The following MAP9 variants were observed in gnomAD, a reference collection of about 807,000 sequenced individuals.
MAP9 encodes microtubule associated protein 9, also known as microtubule-associated protein 9.
MAP9 carries 80 observed loss-of-function variants against 75.2 expected under a neutral mutation model. That is an observed-to-expected ratio of 1.06 (90% CI 0.89 to 1.28). MAP9 has a LOEUF of 1.28. MAP9 is among the 50% of genes most tolerant of loss of function. The pLI is 0.00. For synonymous variants in MAP9, 235 were observed against 237.3 expected (o/e 0.99, Z 0.09); for missense variants, 753 against 719.9 (o/e 1.05, Z -0.53).
At position 155,347,293 on chromosome 4, in the gene MAP9, C is replaced by A. The variant is rs1286984461; in HGVS notation, c.*490G>T. ...GATGAAAATTCTAACTAGCACAGTA[C>A]AAATGCAACTGCTTTGAGCTAAACA... On this transcript the variant is annotated 3_prime_UTR_variant, in exon 14 of 14. Transcript: ENST00000311277. 6.6e-6 allele frequency: 1 copy of A among 152,322 alleles called. No homozygotes were observed. Among genetic ancestry groups the A allele is most frequent in the Non-Finnish European group, 1.5e-5 (1 of 68,166 alleles). 9.4% of individuals were successfully genotyped at this position (152,322 alleles called of 1,614,324 possible). A position where few individuals can be genotyped will look rare whatever the true frequency, so the allele number is the denominator to read the frequency against.
intron 8 of MAP9, among the ~76,000 whole-genome samples, chr4:155,356,610 A>G (rs904525200): frequency 3.3e-5 from 5 of 152,214 alleles, no homozygotes; most frequent in Admixed American, 2.0e-4. Context: ...TAGAAAGAAT[A>G]GTACTATCTA....
chr4:155,347,852 G>A lies in MAP9; in HGVS notation c.1875C>T (p.Ser625=), dbSNP rs1443606800. 6 of 1,599,072 alleles carry A rather than the reference G, an allele frequency of 3.8e-6. No homozygotes were observed. In the Admixed American group the frequency reaches 1.0e-4, roughly 27 times the overall value. Residue 625 remains serine (S), a synonymous_variant, in exon 14 of 14, where the codon TCC becomes TCT. Coordinates refer to ENST00000311277, the MANE Select transcript of MAP9 (RefSeq NM_001039580.2). ...GAGGAAGTGCCTCACTTTCAAGAAA[G>A]GAATGACGTTTCTTCTGTTTTCGTT... ...RIERKQKKRH[S]FLESEALPPW...
chr4:155,369,347 AAAC>A (rs1385338127), intron 4 of MAP9, among the ~76,000 whole-genome samples: 8 of 147,380 alleles, frequency 5.4e-5, no homozygotes, highest in African/African-American at 9.9e-5. Context: ...AAAAAAAACC[AAAC>A]AACAACAACA....
intron 7 of MAP9, among the ~76,000 whole-genome samples, chr4:155,358,482 C>A (rs1731906975): frequency 6.6e-6 from 1 of 152,064 alleles, no homozygotes; most frequent in African/African-American, 2.4e-5. Flanking sequence ...AAAAGTATTG[C>A]TCAAACACAA....
chr4:155,355,518 AC>A lies in MAP9; in HGVS notation c.1290+197del, dbSNP rs371642657. ...ATGGCATATTCTTTCTTTAAAAACA[AC>A]TATGGTCAGTTATGCAAAGTGTGGA... On this transcript the variant is annotated intron_variant, in intron 9 of 13. Transcript: ENST00000311277. 3.3e-4 allele frequency among the ~76,000 whole-genome samples: 50 copies of A among 152,310 alleles called. 1 individual carries two copies. The East Asian group carries it at 3.9e-3, about 12-fold the overall frequency.
chr4:155,366,281 C>T (rs926372034), intron 5 of MAP9, among the ~76,000 whole-genome samples: 1 of 151,656 alleles, frequency 6.6e-6, no homozygotes, highest in African/African-American at 2.4e-5. Flanking sequence ...ATGGAGTGAA[C>T]CTGGGAGGCA....
At chr4:155,357,260 A>T (rs1731834245) in intron 8 of MAP9, 189 bp downstream of exon 8, 1 of 557,664 alleles carries the variant, frequency 1.8e-6, no homozygotes, top group South Asian at 2.1e-5. Context: ...CTTTTTATAA[A>T]TTACTTTATT....
intron 4 of MAP9, among the ~76,000 whole-genome samples, chr4:155,372,575 A>G (rs1732649187): frequency 6.6e-6 from 1 of 152,234 alleles, no homozygotes; most frequent in Non-Finnish European, 1.5e-5. Context: ...TTCATAGGCA[A>G]TACAGAGATC....
At chr4:155,376,223 AG>A (rs1695775347) in intron 1 of MAP9, among the ~76,000 whole-genome samples, 1 of 152,214 alleles carries the variant, frequency 6.6e-6, no homozygotes, top group Non-Finnish European at 1.5e-5. Context: ...TCTCTTCTAA[AG>A]TATAACATTG....
In MAP9 at chr4:155,364,643, A is replaced by C. The variant is rs549123349; in HGVS notation, c.709-2502T>G. On this transcript the variant is annotated intron_variant, in intron 5 of 13. Transcript: ENST00000311277. ...CTTTAATTTTTTAAAAGTCTAATAC[A>C]AAAAACTGAAAGGGCTCTTTAAGAA... is the stretch of plus-strand genomic sequence containing the variant. Among the ~76,000 whole-genome samples the C allele has an allele frequency of 6.7e-5, 10 of 150,072 alleles. No homozygotes were observed. The South Asian group carries it at 1.9e-3, about 28-fold the overall frequency.
At position 155,368,605 on chromosome 4, in the gene MAP9, G is replaced by C; in HGVS notation, c.689C>G (p.Ser230Cys). The C allele has an allele frequency of 1.2e-6, 2 of 1,614,024 alleles. No homozygotes were observed. Among genetic ancestry groups the C allele is most frequent in the Non-Finnish European group, 1.7e-6 (2 of 1,179,908 alleles). The change falls in exon 5 of 14, where the codon TCT (serine) becomes TGT (cysteine). Residue 230 changes from serine (S) to cysteine (C), a missense_variant. Coordinates refer to ENST00000311277, the MANE Select transcript of MAP9 (RefSeq NM_001039580.2). Reference protein sequence around the residue: ...IQLEAEKKAFSENLDPEDSCL... With the variant: ...IQLEAEKKAFCENLDPEDSCL... ...GCTAACCTCAGGATCAAGGTTTTCAGAGAATGCTTTTTTCTCAGCTTCTAA... is the reference window on the plus strand; with the variant it reads ...GCTAACCTCAGGATCAAGGTTTTCACAGAATGCTTTTTTCTCAGCTTCTAA...
Position 155,355,875 on chromosome 4 carries a change from G to A in MAP9, c.1131C>T (p.Thr377=), listed in dbSNP as rs185634534. Reference sequence around the variant, plus strand: ...AACTAGATTTCTTCAAAAACTCAGAGGTCATTAATCTGAAAAGATCCAAAT... The same window carrying A: ...AACTAGATTTCTTCAAAAACTCAGAAGTCATTAATCTGAAAAGATCCAAAT... ...RASSASARLM[T]SEFLKKSSSK... Residue 377 remains threonine (T), a synonymous_variant, in exon 9 of 14, where the codon ACC becomes ACT. Transcript: ENST00000311277. 9 of 1,611,046 alleles carry A rather than the reference G, an allele frequency of 5.6e-6. No individual in the cohort carries two copies. In the African/African-American group the frequency reaches 1.1e-4, roughly 19 times the overall value.
intron 7 of MAP9, 122 bp downstream of exon 7, chr4:155,360,046 A>G (rs1731997292): frequency 1.1e-6 from 1 of 883,802 alleles, no homozygotes; most frequent in African/African-American, 1.7e-5. Context: ...ATACAATATC[A>G]CTATCAAAAG....
rs367763023 is a variant in MAP9, at chr4:155,347,937, G to A, written c.1822-32C>T. On this transcript the variant is annotated intron_variant, in intron 13 of 13. Transcript: ENST00000311277. ...AGAAAATAGAACACTATAAATTTAT[G>A]TACATATATGATTATTATTTTCAAA... 7.1e-6 allele frequency: 9 copies of A among 1,267,682 alleles called. No homozygotes were observed. The African/African-American group carries it at 1.1e-4, about 15-fold the overall frequency. 78.5% of individuals were successfully genotyped at this position (1,267,682 alleles called of 1,614,324 possible). A position where few individuals can be genotyped will look rare whatever the true frequency, so the allele number is the denominator to read the frequency against.
At chr4:155,369,872 T>A (rs1732517234) in intron 4 of MAP9, among the ~76,000 whole-genome samples, 1 of 152,218 alleles carries the variant, frequency 6.6e-6, no homozygotes, top group Admixed American at 6.5e-5. Context: ...TTCGAAACAA[T>A]GGGAAGACTT....
intron 10 of MAP9, 123 bp from the exon 11 acceptor site, chr4:155,353,463 T>G: frequency 2.5e-6 from 2 of 785,116 alleles, no homozygotes; most frequent in Non-Finnish European, 3.5e-6. Flanking sequence ...TCATTATACT[T>G]AGAAATTAAC....
At chr4:155,353,112 T>C in intron 11 of MAP9, 55 bp from the exon 12 acceptor site, 1 of 1,537,994 alleles carries the variant, frequency 6.5e-7, no homozygotes, top group Non-Finnish European at 8.7e-7. Flanking sequence ...TAAATAAAAA[T>C]ATGGTTAATC....
rs1240876292 is a variant in MAP9, at chr4:155,343,318, C to T, written c.*4465G>A. On this transcript the variant is annotated 3_prime_UTR_variant, in exon 14 of 14. Coordinates refer to ENST00000311277, the MANE Select transcript of MAP9 (RefSeq NM_001039580.2). The stretch of plus-strand genomic sequence containing the variant: ...GAACTATCTCTTCCTTTTTTCTCAG[C>T]TTAATTTCAGCTACAGGAGAAAGTA... 6.6e-6 allele frequency: 1 copy of T among 151,454 alleles called. No individual in the cohort carries two copies. Among genetic ancestry groups the T allele is most frequent in the African/African-American group, 2.4e-5 (1 of 41,330 alleles). 9.4% of individuals were successfully genotyped at this position (151,454 alleles called of 1,614,324 possible). A position where few individuals can be genotyped will look rare whatever the true frequency, so the allele number is the denominator to read the frequency against.
intron 5 of MAP9, among the ~76,000 whole-genome samples, chr4:155,367,940 C>T (rs544965634): frequency 1.3e-5 from 2 of 152,338 alleles, no homozygotes; most frequent in East Asian, 1.9e-4. Flanking sequence ...AAGAAATGTT[C>T]TTCCTGTACT....
Sources: allele counts gnomAD v4.1 joint callset (sites outside exome capture counted in the v4.1 genomes callset), GRCh38; gene constraint gnomAD v4.1.1; transcripts MANE v1.5; gene names NCBI Gene and HGNC (gene_info 2026-07-23, HGNC 2026-07-21).